Variants in LRCH1 observed in about 807,000 individuals in gnomAD.
LRCH1 encodes leucine rich repeats and calponin homology domain containing 1.
In LRCH1, 23 loss-of-function variants were observed where a neutral mutation model predicts 94.9. The ratio of observed to expected loss-of-function variants is 0.24; its 90% CI spans 0.17 to 0.34. The LOEUF (loss-of-function observed/expected upper bound fraction) is 0.34. Among genes scored for constraint, LRCH1 ranks in the 10% least tolerant of loss-of-function variants. LRCH1 has a pLI of 1.00. For missense variants in LRCH1, 790 were observed against 945.9 expected, an observed-to-expected ratio of 0.84 and a Z score of 2.16; for synonymous variants, 364 against 354.9, an observed-to-expected ratio of 1.03 and a Z score of -0.29.
chr13:46,741,949 T>C lies in LRCH1; in HGVS notation c.*101T>C. On this transcript the variant is annotated 3_prime_UTR_variant, in exon 20 of 20. Transcript: ENST00000389797. Reference sequence around the variant, plus strand: ...GCCTTGCAAACTTCCATCCCTGTCATGTCTTCAGTTATCTCTCGAGTTTTG... The same window carrying C: ...GCCTTGCAAACTTCCATCCCTGTCACGTCTTCAGTTATCTCTCGAGTTTTG... The C allele has an allele frequency of 6.4e-7, 1 of 1,571,220 alleles. No individual in the cohort carries two copies. Among genetic ancestry groups the C allele is most frequent in the Non-Finnish European group, 8.6e-7 (1 of 1,160,922 alleles).
chr13:46,736,063 C>G (rs1032587570), intron 19 of LRCH1, among the ~76,000 whole-genome samples: 4 of 150,694 alleles, frequency 2.7e-5, no homozygotes, highest in African/African-American at 9.8e-5. Flanking sequence ...TCCCAAAGTG[C>G]TAGGATTATA....
chr13:46,595,172 G>C (rs1017415679), intron 1 of LRCH1, among the ~76,000 whole-genome samples: 1 of 152,160 alleles, frequency 6.6e-6, no homozygotes, highest in African/African-American at 2.4e-5. Context: ...TACCCATCGA[G>C]AACCCTATTC....
intron 1 of LRCH1, among the ~76,000 whole-genome samples, chr13:46,592,587 T>C (rs138332695): frequency 2.6e-5 from 4 of 152,356 alleles, no homozygotes; most frequent in African/African-American, 9.6e-5. Context: ...CTCAATTTCT[T>C]ATCTGTAAAA....
intron 1 of LRCH1, among the ~76,000 whole-genome samples, chr13:46,556,156 C>T (rs1039348264): frequency 2.0e-5 from 3 of 151,598 alleles, no homozygotes; most frequent in Non-Finnish European, 4.4e-5. Context: ...TTTTCTAAGA[C>T]AGGGAGTGGT....
intron 2 of LRCH1, among the ~76,000 whole-genome samples, chr13:46,667,866 A>T (rs1328402284): frequency 6.6e-6 from 1 of 152,236 alleles, no homozygotes; most frequent in Non-Finnish European, 1.5e-5. Context: ...ATACCCGAAG[A>T]GGAGTACCGA....
intron 2 of LRCH1, among the ~76,000 whole-genome samples, chr13:46,651,631 G>A (rs973041036): frequency 3.3e-4 from 50 of 150,720 alleles, no homozygotes; most frequent in African/African-American, 1.2e-3. Context: ...ATTGCACTCC[G>A]GCCTGGGTAA....
chr13:46,750,775 T>G, exon 19 of LRCH1: 1 of 627,356 alleles, frequency 1.6e-6, no homozygotes. Flanking sequence ...CCAGTTACAT[T>G]GAAACAATTT....
intron 6 of LRCH1, among the ~76,000 whole-genome samples, chr13:46,688,660 A>G (rs1298467435): frequency 6.6e-6 from 1 of 152,184 alleles, no homozygotes. Flanking sequence ...GACTACTCTA[A>G]TGTTACTTTT....
intron 5 of LRCH1, among the ~76,000 whole-genome samples, chr13:46,686,456 A>G (rs1281782098): frequency 2.0e-5 from 3 of 152,154 alleles, no homozygotes; most frequent in African/African-American, 7.2e-5. Context: ...ACTGTCAAAC[A>G]AGAGAAGTCA....
chr13:46,747,656 A>G (rs1873964188), downstream of LRCH1, among the ~76,000 whole-genome samples: 1 of 152,196 alleles, frequency 6.6e-6, no homozygotes, highest in South Asian at 2.1e-4. Context: ...ATTGCTGTTC[A>G]CATTCCTTGC....
At chr13:46,736,554 G>T (rs188440006) in intron 19 of LRCH1, among the ~76,000 whole-genome samples, 1 of 152,220 alleles carries the variant, frequency 6.6e-6, no homozygotes, top group African/African-American at 2.4e-5. Flanking sequence ...AAGACTTCTT[G>T]CAGAAATTCT....
intron 3 of LRCH1, among the ~76,000 whole-genome samples, chr13:46,680,790 G>C (rs2051740135): frequency 6.6e-6 from 1 of 152,206 alleles, no homozygotes; most frequent in Admixed American, 6.5e-5. Context: ...CTCTGCAAGT[G>C]TTTAAGCTGG....
At chr13:46,751,628 A>G (rs1874145168) in exon 19 of LRCH1, 1 of 152,266 alleles carries the variant, frequency 6.6e-6, no homozygotes, top group Admixed American at 6.5e-5. Flanking sequence ...ACACAAAGAA[A>G]TAATAAGTGT....
In LRCH1 at chr13:46,699,299, C is replaced by T. The variant is rs753102561; in HGVS notation, c.1246-37C>T. The T allele has an allele frequency of 2.6e-6, 4 of 1,559,478 alleles. No individual in the cohort carries two copies. In the Admixed American group the frequency reaches 6.7e-5, roughly 26 times the overall value. On this transcript the variant is annotated intron_variant, in intron 9 of 19. Transcript: ENST00000389797. Reference sequence around the variant, plus strand: ...TTTTGGCTCCTGACTACTGAGTAGCCAATGGTTTTCAGGAACCCTGTGTGT... The same window carrying T: ...TTTTGGCTCCTGACTACTGAGTAGCTAATGGTTTTCAGGAACCCTGTGTGT...
At chr13:46,652,825 A>G (rs763881456) in intron 2 of LRCH1, among the ~76,000 whole-genome samples, 2 of 152,228 alleles carry the variant, frequency 1.3e-5, no homozygotes, top group Non-Finnish European at 2.9e-5. Flanking sequence ...TTCATTGAGA[A>G]ACTTTTGGGT....
intron 1 of LRCH1, among the ~76,000 whole-genome samples, chr13:46,638,600 A>AG (rs966149602): frequency 9.2e-5 from 14 of 152,220 alleles, no homozygotes. Flanking sequence ...GGTAAAAAGG[A>AG]GGATTCATTT....
chr13:46,597,648 C>G (rs1052603393), intron 1 of LRCH1, among the ~76,000 whole-genome samples: 1 of 152,094 alleles, frequency 6.6e-6, no homozygotes, highest in South Asian at 2.1e-4. Context: ...TGAACCACCG[C>G]GCCTGGCCCT....
At chr13:46,553,835 CGAAGAAGGGACTCGCGTGGGCGCG>C in intron 1 of LRCH1, 132 bp downstream of exon 1, 1 of 1,497,262 alleles carries the variant, frequency 6.7e-7, no homozygotes, top group Non-Finnish European at 9.0e-7. Context: ...CGTTGTCTCC[CGAAGAAGGGACTCGCGTGGGCGCG>C]GAAGAAGCGG....
chr13:46,706,377 A>G (rs1319947634), intron 13 of LRCH1, among the ~76,000 whole-genome samples: 1 of 152,154 alleles, frequency 6.6e-6, no homozygotes, highest in Non-Finnish European at 1.5e-5. Context: ...CTTCTCTATT[A>G]TTGTTATTGG....
Sources: gnomAD v4.1 joint callset for allele counts (sites outside exome capture counted in the v4.1 genomes callset) on GRCh38, gnomAD v4.1.1 for gene constraint, MANE v1.5 for transcripts, NCBI Gene and HGNC (gene_info 2026-07-23, HGNC 2026-07-21) for gene names.